Variants in GSTCD observed in about 807,000 individuals in gnomAD.
The protein encoded by GSTCD is glutathione S-transferase C-terminal domain containing.
A neutral mutation model predicts 68.3 loss-of-function variants in GSTCD; 44 were observed. The observed-to-expected ratio is 0.64, with a 90% CI of 0.51 to 0.83. The LOEUF is 0.83. GSTCD is among the 40% of genes least tolerant of loss of function. GSTCD has a pLI of 0.00. For synonymous variants in GSTCD, 273 were observed against 255.2 expected (o/e 1.07, Z -0.67); for missense variants, 739 against 735.9 (o/e 1.00, Z -0.05).
chr4:105,730,365 TA>T (rs1400020644), intron 5 of GSTCD, among the ~76,000 whole-genome samples: 1 of 152,216 alleles, frequency 6.6e-6, no homozygotes, highest in African/African-American at 2.4e-5. Flanking sequence ...ACCAACAGTG[TA>T]AAAGTGTTCC....
intron 5 of GSTCD, among the ~76,000 whole-genome samples, chr4:105,820,883 A>T (rs79964433): frequency 5.9e-5 from 8 of 136,112 alleles, no homozygotes; most frequent in Non-Finnish European, 6.5e-5. Context: ...AATTTCTAAT[A>T]AAAATGTGGT....
intron 5 of GSTCD, among the ~76,000 whole-genome samples, chr4:105,811,915 T>C (rs1722768540): frequency 6.6e-6 from 1 of 152,128 alleles, no homozygotes. Context: ...TATTAACAAA[T>C]AGAATATCAG....
At chr4:105,821,754 C>T (rs1327128605) in intron 5 of GSTCD, among the ~76,000 whole-genome samples, 1 of 151,736 alleles carries the variant, frequency 6.6e-6, no homozygotes, top group East Asian at 1.9e-4. Context: ...TGTAATATAA[C>T]ATTTTATATT....
At chr4:105,756,395 A>G (rs1734190982) in intron 5 of GSTCD, among the ~76,000 whole-genome samples, 1 of 151,830 alleles carries the variant, frequency 6.6e-6, no homozygotes, top group South Asian at 2.1e-4. Flanking sequence ...AGTCCACCCA[A>G]GAGTTGCCTC....
At chr4:105,759,402 A>T (rs1734316748) in intron 5 of GSTCD, among the ~76,000 whole-genome samples, 1 of 152,136 alleles carries the variant, frequency 6.6e-6, no homozygotes, top group African/African-American at 2.4e-5. Flanking sequence ...AGTTTGAGAG[A>T]TGAAGCTCAA....
chr4:105,775,875 C>T (rs972850986), intron 5 of GSTCD, among the ~76,000 whole-genome samples: 5 of 152,208 alleles, frequency 3.3e-5, no homozygotes, highest in Non-Finnish European at 1.5e-5. Context: ...AGCTTGAGTG[C>T]TGTGCTGGGA....
chr4:105,804,070 A>G (rs1247044701), intron 5 of GSTCD, among the ~76,000 whole-genome samples: 1 of 152,020 alleles, frequency 6.6e-6, no homozygotes, highest in East Asian at 1.9e-4. Flanking sequence ...GTAGTTTAAA[A>G]TGTATTTCTA....
At chr4:105,719,586 G>C (rs1732799129) in intron 3 of GSTCD, 59 bp downstream of exon 3, 2 of 1,263,346 alleles carry the variant, frequency 1.6e-6, no homozygotes, top group African/African-American at 3.0e-5. Flanking sequence ...AAATTGCCTA[G>C]GTTTGAATTT....
intron 4 of GSTCD, among the ~76,000 whole-genome samples, 158 bp from the exon 5 acceptor site, chr4:105,729,247 AT>A (rs1733147093): frequency 1.3e-5 from 2 of 152,146 alleles, no homozygotes; most frequent in African/African-American, 4.8e-5. Flanking sequence ...AACACATGGT[AT>A]TTTTATTTAA....
intron 5 of GSTCD, among the ~76,000 whole-genome samples, chr4:105,749,142 T>A (rs1030979010): frequency 6.7e-6 from 1 of 149,046 alleles, no homozygotes; most frequent in African/African-American, 2.5e-5. Flanking sequence ...AGTGTTACCA[T>A]CTTCTTATGA....
intron 9 of GSTCD, among the ~76,000 whole-genome samples, chr4:105,836,994 A>G (rs1724147741): frequency 6.6e-6 from 1 of 152,236 alleles, no homozygotes; most frequent in Non-Finnish European, 1.5e-5. Context: ...ATGACTTAAG[A>G]GTGAAGGTTA....
intron 5 of GSTCD, among the ~76,000 whole-genome samples, chr4:105,813,465 C>A (rs577172703): frequency 1.3e-5 from 2 of 152,280 alleles, no homozygotes; most frequent in South Asian, 4.1e-4. Flanking sequence ...TACCTTCAGG[C>A]TATTTGTATA....
At chr4:105,764,268 A>G (rs1178843331) in intron 5 of GSTCD, among the ~76,000 whole-genome samples, 1 of 152,210 alleles carries the variant, frequency 6.6e-6, no homozygotes, top group East Asian at 1.9e-4. Flanking sequence ...ATGTTGTTAT[A>G]TATCCAACTC....
At position 105,719,319 on chromosome 4, in the gene GSTCD, G is replaced by T. The variant is rs1331610767; in HGVS notation, c.686G>T (p.Gly229Val). 1 of 1,614,082 alleles carries T rather than the reference G, an allele frequency of 6.2e-7. No individual in the cohort carries two copies. Among genetic ancestry groups the T allele is most frequent in the Non-Finnish European group, 8.5e-7 (1 of 1,179,984 alleles). The change falls in exon 3 of 12, where the codon GGG (glycine) becomes GTG (valine). Residue 229 changes from glycine to valine, a missense_variant. Coordinates refer to ENST00000515279, the MANE Select transcript of GSTCD (RefSeq NM_001370181.1). Reference protein sequence around the residue: ...SKVHTQETSEGLDSSSKSLEL... With the variant: ...SKVHTQETSEVLDSSSKSLEL... Reference sequence around the variant, plus strand: ...GTCCACACACAGGAAACATCTGAAGGGTTGGATTCTTCATCCAAGAGTCTG... The same window carrying T: ...GTCCACACACAGGAAACATCTGAAGTGTTGGATTCTTCATCCAAGAGTCTG...
At chr4:105,770,425 A>G (rs986786849) in intron 5 of GSTCD, among the ~76,000 whole-genome samples, 2 of 150,750 alleles carry the variant, frequency 1.3e-5, no homozygotes, top group South Asian at 2.1e-4. Context: ...CAGAACATGC[A>G]GGTTTGTTAA....
At chr4:105,711,748 A>T (rs1293419249) in intron 1 of GSTCD, among the ~76,000 whole-genome samples, 1 of 152,184 alleles carries the variant, frequency 6.6e-6, no homozygotes, top group Non-Finnish European at 1.5e-5. Context: ...ATTTGCACCC[A>T]GGTGGTCTGG....
chr4:105,726,816 A>ACT lies in GSTCD; in HGVS notation c.1132_1133insCT (p.Met378ThrfsTer5). 2 of 1,609,100 alleles carry ACT rather than the reference A, an allele frequency of 1.2e-6. No homozygotes were observed. The highest frequency in any genetic ancestry group is 1.7e-6 in the Non-Finnish European group (2 of 1,177,850). On this transcript the variant is annotated frameshift_variant, in exon 4 of 12. Coordinates refer to ENST00000515279, the MANE Select transcript of GSTCD (RefSeq NM_001370181.1). LOFTEE classifies it high-confidence loss of function. ...ATTTATAGGAGGACCAAGACCAACCATGGCCAAGTTAATGGTACTTAATTA... is the reference window on the plus strand; with the variant it reads ...ATTTATAGGAGGACCAAGACCAACCACTTGGCCAAGTTAATGGTACTTAATTA...
intron 10 of GSTCD, among the ~76,000 whole-genome samples, chr4:105,841,830 G>A (rs1578529197): frequency 1.3e-5 from 2 of 152,122 alleles, no homozygotes; most frequent in Admixed American, 1.3e-4. Flanking sequence ...CAGCCTGGGC[G>A]ACGGCGAGAC....
chr4:105,779,436 C>A (rs923652312), intron 5 of GSTCD, among the ~76,000 whole-genome samples: 4 of 152,104 alleles, frequency 2.6e-5, no homozygotes, highest in Non-Finnish European at 5.9e-5. Flanking sequence ...GAAAGAAACA[C>A]TTTTATAATT....
Sources: gnomAD v4.1 joint callset for allele counts (sites outside exome capture counted in the v4.1 genomes callset) on GRCh38, gnomAD v4.1.1 for gene constraint, MANE v1.5 for transcripts, NCBI Gene and HGNC (gene_info 2026-07-23, HGNC 2026-07-21) for gene names.